Variants in MYO5B observed in about 807,000 individuals in gnomAD.
MYO5B encodes the protein unconventional myosin-Vb.
Under a neutral mutation model 229.3 loss-of-function variants are expected in MYO5B, and 143 were observed. That is an observed-to-expected ratio of 0.62 (90% CI 0.54 to 0.72). The LOEUF is 0.72. Ranked by LOEUF, MYO5B falls within the 30% of genes least tolerant of loss-of-function variation. The pLI is 0.00. For missense variants in MYO5B, 2,321 were observed against 2,331.0 expected (o/e 1.00, Z 0.09); for synonymous variants, 918 against 885.2 (o/e 1.04, Z -0.66).
intron 30 of MYO5B, among the ~76,000 whole-genome samples, chr18:49,855,436 G>T (rs1034680571): frequency 6.6e-6 from 1 of 152,186 alleles, no homozygotes; most frequent in Non-Finnish European, 1.5e-5. Flanking sequence ...GCCGATTCAT[G>T]AAACCATGTC....
At chr18:49,953,739 C>T (rs1376872073) in intron 13 of MYO5B, among the ~76,000 whole-genome samples, 1 of 152,146 alleles carries the variant, frequency 6.6e-6, no homozygotes, top group South Asian at 2.1e-4. Context: ...ATTCTATGCA[C>T]CCACCAGCTA....
chr18:49,896,109 C>T (rs2024776061), intron 21 of MYO5B, among the ~76,000 whole-genome samples: 1 of 152,146 alleles, frequency 6.6e-6, no homozygotes, highest in East Asian at 1.9e-4. Flanking sequence ...GACTAATTCA[C>T]ATAAGAAATT....
chr18:49,925,357 T>C (rs766856888), intron 17 of MYO5B, among the ~76,000 whole-genome samples: 4 of 152,228 alleles, frequency 2.6e-5, no homozygotes, highest in Non-Finnish European at 5.9e-5. Flanking sequence ...AACCAAACCA[T>C]TGTATATCTT....
At chr18:49,937,850 A>T (rs1196539887) in intron 14 of MYO5B, among the ~76,000 whole-genome samples, 3 of 152,036 alleles carry the variant, frequency 2.0e-5, no homozygotes, top group African/African-American at 7.2e-5. Context: ...GAAGGGGAGA[A>T]AGGGAGTGCC....
intron 26 of MYO5B, 34 bp from the exon 27 acceptor site, chr18:49,872,266 C>A (rs1163152481): frequency 5.0e-6 from 8 of 1,607,356 alleles, no homozygotes; most frequent in Non-Finnish European, 6.8e-6. Context: ...TAAGTGCAGA[C>A]CTCGAGCAAG....
rs150929104 is a variant in MYO5B at position 50,044,323 on chromosome 18, G to A, written c.139-4009C>T. Among the ~76,000 whole-genome samples the A allele has an allele frequency of 1.3e-4, 20 of 152,248 alleles. 1 individual carries two copies. Among genetic ancestry groups the A allele is most frequent in the Non-Finnish European group, 2.1e-4 (14 of 68,028 alleles). On this transcript the variant is annotated intron_variant, in intron 2 of 39. Transcript: ENST00000285039. Reference sequence around the variant, plus strand: ...TTGCTGCTAGTGTCTGGCATTTACAGCTAATATGGTTTTATTTGACATCTA... The same window carrying A: ...TTGCTGCTAGTGTCTGGCATTTACAACTAATATGGTTTTATTTGACATCTA...
intron 17 of MYO5B, among the ~76,000 whole-genome samples, chr18:49,920,528 C>T (rs887756744): frequency 5.3e-5 from 8 of 152,110 alleles, no homozygotes; most frequent in Non-Finnish European, 1.2e-4. Flanking sequence ...AGACTCAGCC[C>T]CATTAGTGGC....
At chr18:50,139,574 C>T (rs959732983) in intron 1 of MYO5B, among the ~76,000 whole-genome samples, 2 of 152,184 alleles carry the variant, frequency 1.3e-5, no homozygotes, top group Non-Finnish European at 2.9e-5. Context: ...GTGAAGGAAG[C>T]TCCTGGAGGA....
chr18:50,039,081 G>T (rs2029922815), intron 3 of MYO5B, among the ~76,000 whole-genome samples: 1 of 152,112 alleles, frequency 6.6e-6, no homozygotes, highest in African/African-American at 2.4e-5. Context: ...AGTGCCTGAG[G>T]TGTCACTTAT....
intron 39 of MYO5B, among the ~76,000 whole-genome samples, chr18:49,835,124 C>T (rs1401276318): frequency 6.6e-6 from 1 of 152,090 alleles, no homozygotes; most frequent in Non-Finnish European, 1.5e-5. Context: ...ATCTGAGAGG[C>T]AGAGATGATA....
At chr18:50,087,559 G>C (rs1877170) in intron 1 of MYO5B, among the ~76,000 whole-genome samples, 14,982 of 133,108 alleles carry the variant, frequency 0.11, 1,537 homozygotes, top group African/African-American at 0.29. Flanking sequence ...GGTGACAGAG[G>C]AAGACTCCAT....
chr18:50,002,006 A>T (rs1849495774), intron 4 of MYO5B, among the ~76,000 whole-genome samples: 1 of 143,016 alleles, frequency 7.0e-6, no homozygotes, highest in East Asian at 2.1e-4. Context: ...ACTGCACTCC[A>T]GCGTGGGCAA....
chr18:49,868,086 G>A (rs1390017706), intron 27 of MYO5B, among the ~76,000 whole-genome samples: 1 of 111,502 alleles, frequency 9.0e-6, no homozygotes, highest in Non-Finnish European at 1.9e-5. Context: ...TCGTTATAGT[G>A]AGAAAAAAAG....
In MYO5B at chr18:49,895,112, C is replaced by G; in HGVS notation, c.2874G>C (p.Glu958Asp). ...CCAGCTCCTTCTTCAGCCGCTCTACCTCCATGGTGTATGTTGAGGTGGTCA... is the reference window on the plus strand; with the variant it reads ...CCAGCTCCTTCTTCAGCCGCTCTACGTCCATGGTGTATGTTGAGGTGGTCA... ...LSVTTSTYTM[E>D]VERLKKELVH... The change falls in exon 22 of 40, where the codon GAG becomes GAC. Residue 958 changes from glutamate to aspartate, a missense_variant. By Grantham distance (45) the Glu-to-Asp change is conservative (BLOSUM62 2). This residue lies in a region of MYO5B where 2,113 missense variants were observed against 2,044.7 expected (regional missense o/e 1.03). Coordinates refer to ENST00000285039, the MANE Select transcript of MYO5B (RefSeq NM_001080467.3). The G allele has an allele frequency of 6.2e-7, 1 of 1,614,212 alleles. No homozygotes were observed. The highest frequency in any genetic ancestry group is 1.3e-5 in the African/African-American group (1 of 75,070).
chr18:50,176,697 T>C lies in MYO5B; in HGVS notation c.27+18070A>G, dbSNP rs569883311. 1.6e-4 allele frequency among the ~76,000 whole-genome samples: 24 copies of C among 152,348 alleles called. No homozygotes were observed. In the South Asian group the frequency reaches 5.0e-3, roughly 32 times the overall value. On this transcript the variant is annotated intron_variant, in intron 1 of 39. Coordinates refer to ENST00000285039, the MANE Select transcript of MYO5B (RefSeq NM_001080467.3). ...AAACTTCCATTCAAAAGTCTTTCTT[T>C]TTGCAAATTGTTGTCGTGATAATTA...
At position 49,954,453 on chromosome 18, in the gene MYO5B, A is replaced by C; in HGVS notation, c.1546-18T>G. The C allele has an allele frequency of 1.9e-6, 3 of 1,613,796 alleles. No individual in the cohort carries two copies. The East Asian group carries it at 6.7e-5, about 36-fold the overall frequency. Reference sequence around the variant, plus strand: ...TTGGGGACCTGCAGAACCACAAGATAGGGCAGAGCGCTTTGTGAAGAGGAA... The same window carrying C: ...TTGGGGACCTGCAGAACCACAAGATCGGGCAGAGCGCTTTGTGAAGAGGAA... On this transcript the variant is annotated intron_variant, in intron 12 of 39. Coordinates refer to ENST00000285039, the MANE Select transcript of MYO5B (RefSeq NM_001080467.3).
intron 4 of MYO5B, among the ~76,000 whole-genome samples, chr18:50,015,849 T>G (rs569809841): frequency 6.6e-6 from 1 of 152,236 alleles, no homozygotes; most frequent in Non-Finnish European, 1.5e-5. Context: ...GTATGAGCAC[T>G]GTGATTGTGC....
intron 17 of MYO5B, among the ~76,000 whole-genome samples, chr18:49,914,670 C>T (rs1031820091): frequency 1.3e-5 from 2 of 151,036 alleles, no homozygotes; most frequent in African/African-American, 4.9e-5. Flanking sequence ...GTACCAGCTA[C>T]TCAGGAGGCT....
chr18:49,958,775 CA>C (rs2025524272), intron 12 of MYO5B, among the ~76,000 whole-genome samples: 1 of 152,188 alleles, frequency 6.6e-6, no homozygotes. Context: ...GTCCTCCACC[CA>C]AGGGACTCAC....
Sources: gnomAD v4.1 joint callset for allele counts (sites outside exome capture counted in the v4.1 genomes callset) on GRCh38, gnomAD v4.1.1 for gene constraint, gnomAD v4.1.1 regional missense constraint, MANE v1.5 for transcripts, NCBI Gene and HGNC (gene_info 2026-07-23, HGNC 2026-07-21) for gene names.